Variants in CDKL5 observed in about 807,000 individuals in gnomAD.
CDKL5 encodes the protein cyclin-dependent kinase-like 5.
In CDKL5, 8 loss-of-function variants were observed where a neutral mutation model predicts 61.7. The ratio of observed to expected loss-of-function variants is 0.13; its 90% CI spans 0.08 to 0.23. CDKL5 has a LOEUF of 0.23. CDKL5 is among the 10% of genes least tolerant of loss of function. CDKL5 has a pLI of 1.00. For missense variants in CDKL5, 440 were observed against 734.5 expected, an observed-to-expected ratio of 0.60 and a Z score of 4.63; for synonymous variants, 275 against 272.3, an observed-to-expected ratio of 1.01 and a Z score of -0.10.
chrX:18,625,598 G>A (rs1291785366), intron 17 of CDKL5, among the ~76,000 whole-genome samples: 2 of 111,657 alleles, frequency 1.8e-5, no homozygotes, highest in Admixed American at 1.9e-4. Context: ...ATTTCAGGCA[G>A]GATGAACACA....
chrX:18,628,233 T>G (rs1259110522), intron 17 of CDKL5, 138 bp from the exon 18 acceptor site: 9 of 601,861 alleles, frequency 1.5e-5, no homozygotes, highest in Middle Eastern at 4.8e-4. Context: ...AGAACAGATA[T>G]GGCTGGACCG....
chrX:18,509,692 T>C (rs1922754720), intron 2 of CDKL5, among the ~76,000 whole-genome samples: 1 of 111,888 alleles, frequency 8.9e-6, no homozygotes, highest in Non-Finnish European at 1.9e-5. Context: ...ATTGCCTAGA[T>C]AATAGGATAA....
intron 1 of CDKL5, among the ~76,000 whole-genome samples, chrX:18,432,497 C>T (rs1037762834): frequency 4.5e-5 from 5 of 110,810 alleles, no homozygotes; most frequent in Non-Finnish European, 7.5e-5. Flanking sequence ...CCGCTTCGGC[C>T]TCCTAAAGTG....
At chrX:18,642,785 A>G (rs1678451228), downstream of CDKL5, among the ~76,000 whole-genome samples, 1 of 112,110 alleles carries the variant, frequency 8.9e-6, no homozygotes, top group Non-Finnish European at 1.9e-5. Flanking sequence ...CACGCCTGTA[A>G]TCCCAGCACT....
Position 18,630,159 on chromosome X carries a change from C to T in CDKL5, c.*1402C>T. On this transcript the variant is annotated 3_prime_UTR_variant, in exon 18 of 18. Transcript: ENST00000623535. ...ATTTTTTTCTTCCTGGGGCTGTCCA[C>T]TTATGACAAGATTTTCATGCACACC... 2 of 753,737 alleles carry T rather than the reference C, an allele frequency of 2.7e-6. No homozygotes were observed. The highest frequency in any genetic ancestry group is 3.1e-6 in the Non-Finnish European group (2 of 638,959). 62.1% of individuals were successfully genotyped at this position (753,737 alleles called of 1,213,427 possible). A position where few individuals can be genotyped will look rare whatever the true frequency, so the allele number is the denominator to read the frequency against.
chrX:18,582,298 A>G (rs147876753), intron 7 of CDKL5, among the ~76,000 whole-genome samples: 1,760 of 111,922 alleles, frequency 0.016, 80 homozygotes, highest in East Asian at 0.13. Flanking sequence ...GTAAATACAC[A>G]TAAGTATTTT....
At chrX:18,596,909 A>T (rs755777370) in intron 10 of CDKL5, among the ~76,000 whole-genome samples, 1 of 112,686 alleles carries the variant, frequency 8.9e-6, no homozygotes, top group East Asian at 2.8e-4. Flanking sequence ...GAAGTTAAAC[A>T]TTCAAATTCC....
At chrX:18,435,535 G>C (rs1483557836) in intron 1 of CDKL5, among the ~76,000 whole-genome samples, 1 of 111,111 alleles carries the variant, frequency 9.0e-6, no homozygotes, top group Non-Finnish European at 1.9e-5. Flanking sequence ...TACATGGAGT[G>C]ATAAAATGTA....
chrX:18,510,729 T>C lies in CDKL5; in HGVS notation c.65-91T>C, dbSNP rs1414992562. On this transcript the variant is annotated intron_variant, in intron 2 of 17. Transcript: ENST00000623535. Reference sequence around the variant, plus strand: ...CTATAGAATCTTGTCACTTTAGTAGTCATTATTATAACACTGAGAAGCAAT... The same window carrying C: ...CTATAGAATCTTGTCACTTTAGTAGCCATTATTATAACACTGAGAAGCAAT... 3 of 713,704 alleles carry C rather than the reference T, an allele frequency of 4.2e-6. No individual in the cohort carries two copies. In the African/African-American group the frequency reaches 6.3e-5, roughly 15 times the overall value. The allele number at this position is 713,704 out of a possible 1,213,427, so 58.8% of individuals were successfully genotyped here.
At chrX:18,431,423 C>CTTTTTTTTTT (rs1177063856) in intron 1 of CDKL5, among the ~76,000 whole-genome samples, 1 of 95,511 alleles carries the variant, frequency 1.0e-5, no homozygotes. Context: ...GATTTCTTTT[C>CTTTTTTTTTT]TTTTTTTTTT....
intron 3 of CDKL5, among the ~76,000 whole-genome samples, chrX:18,536,865 A>G (rs1235317735): frequency 9.0e-6 from 1 of 111,670 alleles, no homozygotes; most frequent in Non-Finnish European, 1.9e-5. Flanking sequence ...AAAATAGGCT[A>G]GAATCAGAAT....
chrX:18,519,940 A>G (rs1923185078), intron 3 of CDKL5, among the ~76,000 whole-genome samples: 1 of 112,018 alleles, frequency 8.9e-6, no homozygotes, highest in Non-Finnish European at 1.9e-5. Context: ...CAATCCTCAC[A>G]TTAACCATAA....
At chrX:18,580,807 C>T (rs1925454571) in intron 6 of CDKL5, among the ~76,000 whole-genome samples, 1 of 111,881 alleles carries the variant, frequency 8.9e-6, no homozygotes, top group Non-Finnish European at 1.9e-5. Flanking sequence ...CACAAATGCA[C>T]AAGGATATCA....
chrX:18,503,093 T>C (rs1023042427), intron 1 of CDKL5, among the ~76,000 whole-genome samples: 1 of 112,698 alleles, frequency 8.9e-6, no homozygotes, highest in Non-Finnish European at 1.9e-5. Context: ...TTTTTTAATG[T>C]CTTGAGTAAA....
intron 1 of CDKL5, among the ~76,000 whole-genome samples, chrX:18,452,510 C>T (rs1468614142): frequency 9.1e-6 from 1 of 110,321 alleles, no homozygotes; most frequent in Non-Finnish European, 1.9e-5. Context: ...ACTGCAACCT[C>T]CGACTCCCGC....
chrX:18,530,315 G>A (rs1313880358), intron 3 of CDKL5, among the ~76,000 whole-genome samples: 1 of 98,187 alleles, frequency 1.0e-5, no homozygotes, highest in African/African-American at 3.8e-5. Context: ...CAGCCTTGGC[G>A]ACAGAGTGAG....
At chrX:18,527,803 ATTG>A (rs1351917096) in intron 3 of CDKL5, among the ~76,000 whole-genome samples, 2 of 111,470 alleles carry the variant, frequency 1.8e-5, no homozygotes, top group Non-Finnish European at 3.8e-5. Context: ...AGCGTAGATT[ATTG>A]ATTTTACGTC....
intron 1 of CDKL5, among the ~76,000 whole-genome samples, chrX:18,436,771 G>A (rs1411666912): frequency 1.9e-5 from 2 of 107,745 alleles, no homozygotes; most frequent in South Asian, 8.3e-4. Context: ...GGTGGTATGT[G>A]CCTGTAGTCC....
intron 3 of CDKL5, among the ~76,000 whole-genome samples, chrX:18,511,203 G>GTTTTGGATTTTGGAGCA (rs1375165167): frequency 8.9e-6 from 1 of 111,961 alleles, no homozygotes; most frequent in Non-Finnish European, 1.9e-5. Context: ...AGTACTCAAA[G>GTTTTGGATTTTGGAGCA]TTTTGGATTT....
Sources: gnomAD v4.1 joint callset for allele counts (sites outside exome capture counted in the v4.1 genomes callset) on GRCh38, gnomAD v4.1.1 for gene constraint, MANE v1.5 for transcripts, NCBI Gene and HGNC (gene_info 2026-07-23, HGNC 2026-07-21) for gene names.